IRF2: variants seen among roughly 807,000 people sequenced by gnomAD.
IRF2 encodes interferon regulatory factor 2.
Under a neutral mutation model 40.6 loss-of-function variants are expected in IRF2, and 15 were observed. The observed-to-expected ratio is 0.37, with a 90% CI of 0.25 to 0.57. IRF2 has a LOEUF of 0.57. Among genes scored for constraint, IRF2 ranks in the 20% least tolerant of loss-of-function variants. The pLI, the probability that IRF2 is intolerant of heterozygous loss-of-function variation, is 0.77. For synonymous variants in IRF2, 151 were observed against 165.5 expected, an observed-to-expected ratio of 0.91 and a Z score of 0.67; for missense variants, 317 against 455.7, an observed-to-expected ratio of 0.70 and a Z score of 2.77.
chr4:184,445,685 A>G (rs888078636), intron 1 of IRF2, among the ~76,000 whole-genome samples: 2 of 151,856 alleles, frequency 1.3e-5, no homozygotes, highest in African/African-American at 4.8e-5. Flanking sequence ...GAAGAAGAAC[A>G]ATACAGTAAT....
rs990689721 is a variant in IRF2, at chr4:184,408,751, G to A, written c.412-476C>T. On this transcript the variant is annotated intron_variant, in intron 5 of 8. Transcript: ENST00000393593. The surrounding 1 kb of genome is among the most constrained non-coding windows in gnomAD (Gnocchi z 4.9). ...ACTGGCCCAAGAACAGGAGCCCAGAGGACATTGTAGATGAATTCTCTGCAG... is the reference window on the plus strand; with the variant it reads ...ACTGGCCCAAGAACAGGAGCCCAGAAGACATTGTAGATGAATTCTCTGCAG... 6.6e-6 allele frequency among the ~76,000 whole-genome samples: 1 copy of A among 152,220 alleles called. No individual in the cohort carries two copies. The highest frequency in any genetic ancestry group is 1.5e-5 in the Non-Finnish European group (1 of 68,034).
At chr4:184,445,980 T>C (rs1738494112) in intron 1 of IRF2, among the ~76,000 whole-genome samples, 1 of 152,106 alleles carries the variant, frequency 6.6e-6, no homozygotes, top group Non-Finnish European at 1.5e-5. Flanking sequence ...AGAGGGAAAC[T>C]TGGACACAGA....
At chr4:184,437,346 G>A (rs1014960328) in intron 1 of IRF2, among the ~76,000 whole-genome samples, 7 of 145,140 alleles carry the variant, frequency 4.8e-5, no homozygotes, top group Admixed American at 2.7e-4. Context: ...ATGAGCCACC[G>A]CGCCTGGCCT....
intron 1 of IRF2, among the ~76,000 whole-genome samples, chr4:184,466,302 C>T (rs940272082): frequency 8.5e-5 from 13 of 152,076 alleles, no homozygotes; most frequent in African/African-American, 2.9e-4. Flanking sequence ...CCGCCCGCCT[C>T]GGCCTCCCAA....
At chr4:184,398,604 C>T (rs890232807) in intron 7 of IRF2, among the ~76,000 whole-genome samples, 4 of 150,658 alleles carry the variant, frequency 2.7e-5, no homozygotes, top group Admixed American at 6.6e-5. Context: ...TACAGTGAGC[C>T]GAGATCATCC....
intron 1 of IRF2, among the ~76,000 whole-genome samples, chr4:184,460,688 CACACACACAT>C (rs1739111763): frequency 2.0e-5 from 3 of 151,410 alleles, no homozygotes; most frequent in Admixed American, 1.3e-4. Context: ...CATGCACGCA[CACACACACAT>C]GCACACGCAC....
intron 4 of IRF2, 144 bp from the exon 5 acceptor site, chr4:184,418,357 C>A: frequency 1.1e-6 from 1 of 949,666 alleles, no homozygotes. Context: ...GTATCTTTCA[C>A]TGCCTCTGGT....
At chr4:184,454,293 T>C (rs1738832862) in intron 1 of IRF2, among the ~76,000 whole-genome samples, 2 of 152,200 alleles carry the variant, frequency 1.3e-5, no homozygotes, top group Admixed American at 6.5e-5. Context: ...TTATTATTAA[T>C]TATTATGGAG....
chr4:184,431,707 C>T (rs1004147362), intron 1 of IRF2, among the ~76,000 whole-genome samples: 89 of 152,308 alleles, frequency 5.8e-4, no homozygotes, highest in African/African-American at 1.9e-3. Context: ...GACAGCCTGA[C>T]GTGCAGAAGT....
intron 1 of IRF2, among the ~76,000 whole-genome samples, chr4:184,456,803 G>A (rs1000625143): frequency 6.6e-6 from 1 of 152,248 alleles, no homozygotes; most frequent in Non-Finnish European, 1.5e-5. Flanking sequence ...CTGTGGCTCG[G>A]CCCTCCACAA....
chr4:184,468,527 TTAACA>T (rs1421097479), intron 1 of IRF2, among the ~76,000 whole-genome samples: 1 of 151,988 alleles, frequency 6.6e-6, no homozygotes, highest in Non-Finnish European at 1.5e-5. Context: ...TATCACAAAC[TTAACA>T]TGAGTCCCAT....
At chr4:184,466,556 G>T (rs1204836175) in intron 1 of IRF2, among the ~76,000 whole-genome samples, 1 of 152,112 alleles carries the variant, frequency 6.6e-6, no homozygotes, top group Non-Finnish European at 1.5e-5. Context: ...AAATAAAACA[G>T]TACCAAGGAA....
chr4:184,446,072 G>A (rs530263865), intron 1 of IRF2, among the ~76,000 whole-genome samples: 1 of 152,312 alleles, frequency 6.6e-6, no homozygotes, highest in East Asian at 1.9e-4. Flanking sequence ...AGAAAGCCAA[G>A]GATTGCTAGC....
At chr4:184,469,283 A>G (rs911090779) in intron 1 of IRF2, among the ~76,000 whole-genome samples, 2 of 152,088 alleles carry the variant, frequency 1.3e-5, no homozygotes, top group Non-Finnish European at 2.9e-5. Flanking sequence ...ACGGGTCTCT[A>G]CCTTTGGCTA....
At chr4:184,431,223 T>C (rs1376310093) in intron 1 of IRF2, among the ~76,000 whole-genome samples, 1 of 151,918 alleles carries the variant, frequency 6.6e-6, no homozygotes, top group Non-Finnish European at 1.5e-5. Flanking sequence ...CCACAAGGAG[T>C]TGCAGATACT....
intron 5 of IRF2, among the ~76,000 whole-genome samples, chr4:184,416,736 A>G (rs1737290939): frequency 6.6e-6 from 1 of 152,136 alleles, no homozygotes; most frequent in South Asian, 2.1e-4. Flanking sequence ...AGTTCAAAAA[A>G]AAGCTGAACT....
intron 6 of IRF2, 72 bp from the exon 7 acceptor site, chr4:184,399,151 G>A: frequency 2.7e-6 from 4 of 1,482,210 alleles, no homozygotes; most frequent in Non-Finnish European, 3.6e-6. Flanking sequence ...TCAAGAAAGA[G>A]TCTTCCCCAA....
At position 184,404,128 on chromosome 4, in the gene IRF2, G is replaced by A. The variant is rs918155373; in HGVS notation, c.529+4030C>T. Among the ~76,000 whole-genome samples, 9 of 152,298 alleles carry A rather than the reference G, an allele frequency of 5.9e-5. No individual in the cohort carries two copies. In the East Asian group the frequency reaches 1.5e-3, roughly 26 times the overall value. On this transcript the variant is annotated intron_variant, in intron 6 of 8. Coordinates refer to ENST00000393593, the MANE Select transcript of IRF2 (RefSeq NM_002199.4). ...ATTAGAAACAGAGGGGTCCTTGGAG[G>A]TGGTTTGGTCCTACCATTTTACAGT...
At chr4:184,419,661 T>C in intron 2 of IRF2, 93 bp from the exon 3 acceptor site, 1 of 826,342 alleles carries the variant, frequency 1.2e-6, no homozygotes, top group Non-Finnish European at 1.9e-6. Flanking sequence ...CCAGCAAGAT[T>C]CCCCAGCAAG....
Sources: gnomAD v4.1 joint callset for allele counts (sites outside exome capture counted in the v4.1 genomes callset) on GRCh38, gnomAD v4.1.1 for gene constraint, Gnocchi (gnomAD v3.1) non-coding constraint, MANE v1.5 for transcripts, NCBI Gene and HGNC (gene_info 2026-07-23, HGNC 2026-07-21) for gene names.